The following PLPPR1 variants were observed in gnomAD, a reference collection of about 807,000 sequenced individuals.
PLPPR1 encodes the protein phospholipid phosphatase-related protein type 1.
Under a neutral mutation model 33.1 loss-of-function variants are expected in PLPPR1, and 10 were observed. That is an observed-to-expected ratio of 0.30 (90% CI 0.19 to 0.51). PLPPR1 has a LOEUF of 0.51. PLPPR1 is among the 20% of genes least tolerant of loss of function. PLPPR1 has a pLI of 0.97. For missense variants in PLPPR1, 304 were observed against 408.1 expected, an observed-to-expected ratio of 0.74 and a Z score of 2.20; for synonymous variants, 151 against 151.0, an observed-to-expected ratio of 1.00 and a Z score of 0.00.
At chr9:101,159,259 A>G (rs1039145692) in intron 1 of PLPPR1, among the ~76,000 whole-genome samples, 1 of 152,214 alleles carries the variant, frequency 6.6e-6, no homozygotes, top group Non-Finnish European at 1.5e-5. Context: ...GTTGGTGTCT[A>G]TTACTACAGA....
At chr9:101,142,456 TG>T (rs895859194) in intron 1 of PLPPR1, among the ~76,000 whole-genome samples, 12 of 152,208 alleles carry the variant, frequency 7.9e-5, no homozygotes, top group African/African-American at 2.9e-4. Context: ...TTTATTTGGA[TG>T]GCCCTTTCAT....
chr9:101,171,933 G>A (rs1825948296), intron 1 of PLPPR1, among the ~76,000 whole-genome samples: 1 of 152,090 alleles, frequency 6.6e-6, no homozygotes, highest in African/African-American at 2.4e-5. Flanking sequence ...ATCATGGCTT[G>A]CTCTGAGTGT....
intron 1 of PLPPR1, among the ~76,000 whole-genome samples, chr9:101,150,196 C>T (rs1344608071): frequency 3.3e-5 from 5 of 152,106 alleles, no homozygotes; most frequent in African/African-American, 1.2e-4. Flanking sequence ...TCTTTAAGCT[C>T]ATTCTACAGC....
At chr9:101,164,304 G>T (rs1254265582) in intron 1 of PLPPR1, among the ~76,000 whole-genome samples, 1 of 151,714 alleles carries the variant, frequency 6.6e-6, no homozygotes, top group Non-Finnish European at 1.5e-5. Context: ...CTATTTCATA[G>T]AGTTGTTATG....
At chr9:101,069,806 A>G (rs1248880245) in intron 1 of PLPPR1, among the ~76,000 whole-genome samples, 1 of 152,138 alleles carries the variant, frequency 6.6e-6, no homozygotes, top group Non-Finnish European at 1.5e-5. Context: ...GCTTCACCTC[A>G]GGTGATTTGT....
At chr9:101,209,027 A>T (rs1369674603) in intron 2 of PLPPR1, among the ~76,000 whole-genome samples, 3 of 152,348 alleles carry the variant, frequency 2.0e-5, no homozygotes, top group South Asian at 2.1e-4. Flanking sequence ...AATTCATTTT[A>T]AAAAATTGTT....
intron 1 of PLPPR1, among the ~76,000 whole-genome samples, chr9:101,184,839 T>C (rs894165631): frequency 2.0e-5 from 3 of 151,946 alleles, no homozygotes; most frequent in Admixed American, 6.6e-5. Flanking sequence ...TGTTATGCCT[T>C]TACTGTTTTA....
rs538758594 is a variant in PLPPR1, at chr9:101,147,519, G to A, written c.-45-37931G>A. Among the ~76,000 whole-genome samples the A allele has an allele frequency of 1.1e-4, 16 of 152,126 alleles. No individual in the cohort carries two copies. In the Middle Eastern group the frequency reaches 0.01, roughly 97 times the overall value. ...ATAGAGACCGATGAATTAAGAAGAC[G>A]GGAGAGCAAAATTTAGGAGAAAAAG... On this transcript the variant is annotated intron_variant, in intron 1 of 7. Transcript: ENST00000374874.
intron 1 of PLPPR1, among the ~76,000 whole-genome samples, chr9:101,049,453 G>A (rs1348810663): frequency 6.6e-6 from 1 of 152,162 alleles, no homozygotes; most frequent in African/African-American, 2.4e-5. Context: ...TCCTTTGGCA[G>A]CTGGAAAAAT....
intron 2 of PLPPR1, among the ~76,000 whole-genome samples, chr9:101,240,330 G>A (rs1564012578): frequency 6.6e-6 from 1 of 151,994 alleles, no homozygotes; most frequent in Admixed American, 6.6e-5. Flanking sequence ...CAGGTAGTGT[G>A]ATGTCTCCAG....
At chr9:101,166,858 C>A (rs1405575064) in intron 1 of PLPPR1, among the ~76,000 whole-genome samples, 1 of 151,846 alleles carries the variant, frequency 6.6e-6, no homozygotes, top group East Asian at 2.0e-4. Flanking sequence ...TGCAGGCAAA[C>A]CATGGCCAAC....
chr9:101,314,655 TA>T (rs528249675), intron 6 of PLPPR1, among the ~76,000 whole-genome samples: 1 of 151,658 alleles, frequency 6.6e-6, no homozygotes, highest in Non-Finnish European at 1.5e-5. Context: ...TTTATGGCTT[TA>T]AAAAAGTGTT....
At chr9:101,210,157 T>G (rs990827971) in intron 2 of PLPPR1, among the ~76,000 whole-genome samples, 1 of 152,256 alleles carries the variant, frequency 6.6e-6, no homozygotes, top group African/African-American at 2.4e-5. Flanking sequence ...TGGCTAGTGC[T>G]GCAGTACAAT....
intron 1 of PLPPR1, among the ~76,000 whole-genome samples, chr9:101,045,421 G>A (rs1275353684): frequency 6.6e-6 from 1 of 152,188 alleles, no homozygotes; most frequent in East Asian, 1.9e-4. Context: ...GTAAGTGAAT[G>A]GAAGTGAATG....
chr9:101,320,799 A>G (rs1038760501), intron 7 of PLPPR1, among the ~76,000 whole-genome samples: 3 of 152,162 alleles, frequency 2.0e-5, no homozygotes, highest in Non-Finnish European at 4.4e-5. Flanking sequence ...ATTATATCCT[A>G]TTTTATAGAT....
At chr9:101,048,077 T>A (rs1830175369) in intron 1 of PLPPR1, among the ~76,000 whole-genome samples, 1 of 152,212 alleles carries the variant, frequency 6.6e-6, no homozygotes, top group South Asian at 2.1e-4. Context: ...ACTGAGTGAA[T>A]CACCTGCTCC....
chr9:101,137,049 AGG>A (rs1831386037), intron 1 of PLPPR1, among the ~76,000 whole-genome samples: 2 of 152,240 alleles, frequency 1.3e-5, no homozygotes, highest in Non-Finnish European at 2.9e-5. Flanking sequence ...CCCATTTACC[AGG>A]ATGTGGTTAT....
intron 2 of PLPPR1, among the ~76,000 whole-genome samples, chr9:101,243,208 C>T (rs368847850): frequency 6.6e-6 from 1 of 151,872 alleles, no homozygotes; most frequent in African/African-American, 2.4e-5. Context: ...TAGAGAGGAC[C>T]CAGGTCGTCA....
chr9:101,077,985 C>A (rs1370334816), intron 1 of PLPPR1, among the ~76,000 whole-genome samples: 1 of 149,876 alleles, frequency 6.7e-6, no homozygotes, highest in African/African-American at 2.5e-5. Context: ...CTTTTCATAC[C>A]TTTGATGAGC....
Sources: gnomAD v4.1 joint callset for allele counts (sites outside exome capture counted in the v4.1 genomes callset) on GRCh38, gnomAD v4.1.1 for gene constraint, MANE v1.5 for transcripts, NCBI Gene and HGNC (gene_info 2026-07-23, HGNC 2026-07-21) for gene names.